The following ACOXL variants were observed in gnomAD, a reference collection of about 807,000 sequenced individuals.
The protein encoded by ACOXL is acyl-coenzyme A oxidase-like protein.
Under a neutral mutation model 71.9 loss-of-function variants are expected in ACOXL, and 70 were observed. The ratio of observed to expected loss-of-function variants is 0.97; its 90% CI spans 0.80 to 1.19. ACOXL has a LOEUF of 1.19. Ranked by LOEUF, ACOXL falls within the 50% of genes most tolerant of loss-of-function variation. The pLI, the probability that ACOXL is intolerant of heterozygous loss-of-function variation, is 0.00. For synonymous variants in ACOXL, 253 were observed against 281.6 expected (o/e 0.90, Z 1.02); for missense variants, 703 against 736.3 (o/e 0.95, Z 0.52).
chr2:110,886,666 A>T, intron 10 of ACOXL: 2 of 1,350,504 alleles, frequency 1.5e-6, no homozygotes, highest in South Asian at 2.7e-5. Flanking sequence ...GGCTTGAGCC[A>T]CTGCGTCTGT....
At position 110,873,192 on chromosome 2, in the gene ACOXL, G is replaced by T. The variant is rs567458986; in HGVS notation, c.788+31787G>T. On this transcript the variant is annotated intron_variant, in intron 10 of 17. Transcript: ENST00000439055. ...TTGTGCACACCATGGGTCACTGGTG[G>T]TGGCATTCTCCCAGAACCCTGGCTG... is the stretch of plus-strand genomic sequence containing the variant. Among the ~76,000 whole-genome samples the T allele has an allele frequency of 1.4e-4, 22 of 152,334 alleles. No homozygotes were observed. The South Asian group carries it at 4.6e-3, about 32-fold the overall frequency.
At chr2:110,809,838 A>T (rs995562542) in intron 9 of ACOXL, among the ~76,000 whole-genome samples, 1 of 152,166 alleles carries the variant, frequency 6.6e-6, no homozygotes, top group Non-Finnish European at 1.5e-5. Context: ...CTCACCGCAC[A>T]TGGAGTGGTG....
intron 16 of ACOXL, among the ~76,000 whole-genome samples, chr2:111,077,798 A>G (rs908007170): frequency 2.6e-5 from 4 of 152,198 alleles, no homozygotes; most frequent in African/African-American, 9.7e-5. Context: ...TTTTTCTCCT[A>G]GAGGTAATGC....
chr2:110,862,669 T>G (rs755353263), intron 10 of ACOXL, among the ~76,000 whole-genome samples: 1 of 152,188 alleles, frequency 6.6e-6, no homozygotes, highest in Non-Finnish European at 1.5e-5. Flanking sequence ...GTTTTAAATT[T>G]GGCGCAAATG....
chr2:111,023,015 A>G (rs934978226), intron 14 of ACOXL, among the ~76,000 whole-genome samples: 1 of 152,140 alleles, frequency 6.6e-6, no homozygotes, highest in African/African-American at 2.4e-5. Flanking sequence ...CTACTTGTCT[A>G]TAAAAATATT....
chr2:110,879,312 T>C (rs1329426433), intron 10 of ACOXL, among the ~76,000 whole-genome samples: 6 of 152,172 alleles, frequency 3.9e-5, no homozygotes, highest in Non-Finnish European at 7.4e-5. Context: ...GCAGCTGGAC[T>C]GAGAGGCTGT....
At chr2:110,933,440 T>G (rs761587028) in intron 11 of ACOXL, 49 bp from the exon 12 acceptor site, 56 of 1,588,358 alleles carry the variant, frequency 3.5e-5, no homozygotes, top group Non-Finnish European at 4.6e-5. Context: ...TTCACACATG[T>G]GCTGACTGCA....
intron 10 of ACOXL, among the ~76,000 whole-genome samples, chr2:110,859,923 C>T (rs1301819805): frequency 6.6e-6 from 1 of 152,182 alleles, no homozygotes; most frequent in East Asian, 1.9e-4. Context: ...AAGCCATTTC[C>T]TTGCCCTTCT....
intron 2 of ACOXL, among the ~76,000 whole-genome samples, chr2:110,775,625 T>TA (rs1436376614): frequency 6.6e-6 from 1 of 151,828 alleles, no homozygotes; most frequent in East Asian, 1.9e-4. Context: ...AAATGGCCAA[T>TA]AAACACATAG....
rs114070294 is a variant in ACOXL, at chr2:110,895,570, G to A, written c.789-13219G>A. Among the ~76,000 whole-genome samples the A allele has an allele frequency of 3.6e-3, 544 of 151,954 alleles. 9 individuals are homozygous for A. The highest frequency in any genetic ancestry group is 0.012 in the African/African-American group (516 of 41,464). Reference sequence around the variant, plus strand: ...CATATCTATCGATGAAAGAAGCTAAGCAAACCTCAAACAGGATAACCCAGA... The same window carrying A: ...CATATCTATCGATGAAAGAAGCTAAACAAACCTCAAACAGGATAACCCAGA... On this transcript the variant is annotated intron_variant, in intron 10 of 17. Transcript: ENST00000439055.
chr2:110,974,150 C>A (rs995309329), intron 12 of ACOXL, among the ~76,000 whole-genome samples: 4 of 152,224 alleles, frequency 2.6e-5, no homozygotes, highest in African/African-American at 4.8e-5. Flanking sequence ...GGAGGCCACC[C>A]TTCTGTGGGC....
intron 17 of ACOXL, among the ~76,000 whole-genome samples, chr2:111,105,395 A>T (rs1283682556): frequency 6.6e-6 from 1 of 152,022 alleles, no homozygotes; most frequent in Non-Finnish European, 1.5e-5. Flanking sequence ...TAGGTATTGC[A>T]TTAAACCTGT....
At chr2:110,832,415 G>A (rs1369360549) in intron 9 of ACOXL, among the ~76,000 whole-genome samples, 2 of 152,014 alleles carry the variant, frequency 1.3e-5, no homozygotes, top group Non-Finnish European at 2.9e-5. Flanking sequence ...GCGGGCGCCT[G>A]TAGTCCCAGC....
intron 3 of ACOXL, among the ~76,000 whole-genome samples, chr2:110,786,078 T>G (rs1683922973): frequency 6.6e-6 from 1 of 152,202 alleles, no homozygotes; most frequent in Non-Finnish European, 1.5e-5. Flanking sequence ...CAGCCACTCG[T>G]GCTGCCCAAG....
At chr2:110,832,755 A>T (rs2105656524) in intron 9 of ACOXL, among the ~76,000 whole-genome samples, 1 of 152,332 alleles carries the variant, frequency 6.6e-6, no homozygotes, top group Admixed American at 6.5e-5. Flanking sequence ...TCCAATTATA[A>T]AATGGGTAAA....
intron 10 of ACOXL, among the ~76,000 whole-genome samples, chr2:110,860,829 T>G (rs545149489): frequency 5.8e-4 from 89 of 152,344 alleles, no homozygotes; most frequent in Admixed American, 9.8e-4. Context: ...CTTATCTGCA[T>G]CTGGGGACCA....
chr2:111,064,441 AAAAAC>A, intron 16 of ACOXL, among the ~76,000 whole-genome samples: 1 of 151,444 alleles, frequency 6.6e-6, no homozygotes, highest in African/African-American at 2.4e-5. Context: ...ATCTCAAAAA[AAAAAC>A]AAAAAAAAAA....
chr2:110,789,657 C>G (rs539253856), intron 3 of ACOXL, among the ~76,000 whole-genome samples: 2 of 152,302 alleles, frequency 1.3e-5, no homozygotes, highest in South Asian at 2.1e-4. Context: ...TAACTTTGAT[C>G]ATTGCCCAAA....
At position 110,970,513 on chromosome 2, in the gene ACOXL, T is replaced by C. The variant is rs1259502816; in HGVS notation, c.1060-16595T>C. ...TCAAATTGAAAGAGTCTACAAAAAT[T>C]ATAGCTAACATCATGCTTAATCGTG... On this transcript the variant is annotated intron_variant, in intron 12 of 17. Transcript: ENST00000439055. 4.6e-5 allele frequency among the ~76,000 whole-genome samples: 7 copies of C among 152,214 alleles called. No individual in the cohort carries two copies. In the East Asian group the frequency reaches 1.3e-3, roughly 29 times the overall value.
Sources: gnomAD v4.1 joint callset for allele counts (sites outside exome capture counted in the v4.1 genomes callset) on GRCh38, gnomAD v4.1.1 for gene constraint, MANE v1.5 for transcripts, NCBI Gene and HGNC (gene_info 2026-07-23, HGNC 2026-07-21) for gene names.